The following LRP2 variants were observed in gnomAD, a reference collection of about 807,000 sequenced individuals.
The protein encoded by LRP2 is low-density lipoprotein receptor-related protein 2.
A neutral mutation model predicts 531.0 loss-of-function variants in LRP2; 172 were observed. That is an observed-to-expected ratio of 0.32 (90% CI 0.29 to 0.37). LRP2 has a LOEUF of 0.37. LRP2 is among the 10% of genes least tolerant of loss of function. LRP2 has a pLI of 1.00. For synonymous variants in LRP2, 1,992 were observed against 2,027.6 expected, an observed-to-expected ratio of 0.98 and a Z score of 0.47; for missense variants, 5,167 against 5,868.3, an observed-to-expected ratio of 0.88 and a Z score of 3.90.
intron 16 of LRP2, among the ~76,000 whole-genome samples, chr2:169,261,440 G>C (rs1299201621): frequency 6.6e-6 from 1 of 150,722 alleles, no homozygotes; most frequent in Non-Finnish European, 1.5e-5. Flanking sequence ...ATCCTCCCAA[G>C]TATCTGGCAC....
At chr2:169,246,145 T>C (rs1209825624) in intron 21 of LRP2, among the ~76,000 whole-genome samples, 1 of 152,178 alleles carries the variant, frequency 6.6e-6, no homozygotes, top group African/African-American at 2.4e-5. Context: ...CCCAGCTATT[T>C]GTAATTTTAT....
intron 16 of LRP2, among the ~76,000 whole-genome samples, chr2:169,264,070 G>A (rs956088268): frequency 1.8e-4 from 27 of 152,014 alleles, no homozygotes; most frequent in Non-Finnish European, 3.4e-4. Flanking sequence ...CACAGGAAGG[G>A]GAACATCACA....
chr2:169,292,881 T>C (rs1218302214), intron 6 of LRP2, among the ~76,000 whole-genome samples: 1 of 149,448 alleles, frequency 6.7e-6, no homozygotes, highest in Non-Finnish European at 1.5e-5. Context: ...TGGTTTGCAA[T>C]GCGTTGGCAC....
At chr2:169,275,318 A>G (rs1380866116) in intron 13 of LRP2, 80 bp from the exon 14 acceptor site, 1 of 1,047,190 alleles carries the variant, frequency 9.5e-7, no homozygotes, top group Non-Finnish European at 1.5e-6. Context: ...AGTTCAATTA[A>G]ATGCCTGAAA....
intron 49 of LRP2, 44 bp from the exon 50 acceptor site, chr2:169,186,063 A>C: frequency 6.4e-7 from 1 of 1,554,438 alleles, no homozygotes; most frequent in Non-Finnish European, 8.8e-7. Flanking sequence ...AATATCAACG[A>C]CCAACTCACT....
At chr2:169,257,314 T>A in intron 17 of LRP2, 65 bp from the exon 18 acceptor site, 3 of 1,550,000 alleles carry the variant, frequency 1.9e-6, no homozygotes, top group African/African-American at 1.4e-5. Flanking sequence ...TTCCAGAGAT[T>A]TAGAACAAAC....
intron 51 of LRP2, 119 bp from the exon 52 acceptor site, chr2:169,181,737 TGAATTCTTTTCTG>T: frequency 1.4e-5 from 1 of 69,980 alleles, no homozygotes; most frequent in Non-Finnish European, 2.8e-5. Flanking sequence ...GACTGCATTC[TGAATTCTTTTCTG>T]CATTCAGAAA....
In LRP2 at chr2:169,318,796, G is replaced by A. The variant is rs956158723; in HGVS notation, c.276C>T (p.Asp92=). ...PNSWVCDQDQ[D]CDDGSDERQD... is the part of the protein sequence containing the mutation. ...GACGTTCATCTGAGCCATCATCACA[G>A]TCTTGATCTTGGTCACACACCCAGG... is the stretch of plus-strand genomic sequence containing the variant. The change falls in exon 3 of 79, where the codon GAC becomes GAT. Residue 92 remains aspartate (D), a synonymous_variant. Coordinates refer to ENST00000649046, the MANE Select transcript of LRP2 (RefSeq NM_004525.3). 8 of 1,614,142 alleles carry A rather than the reference G, an allele frequency of 5.0e-6. 1 individual carries two copies. The highest frequency in any genetic ancestry group is 2.2e-5 in the East Asian group (1 of 44,882).
chr2:169,240,743 T>G, intron 25 of LRP2: 1 of 586,392 alleles, frequency 1.7e-6, no homozygotes, highest in South Asian at 2.3e-5. Context: ...TTTAGTCTCA[T>G]TTTTTGAAAC....
chr2:169,206,688 G>A lies in LRP2; in HGVS notation c.7032C>T (p.Asn2344=), dbSNP rs1359322602. 1.9e-6 allele frequency: 3 copies of A among 1,614,068 alleles called. No individual in the cohort carries two copies. Among genetic ancestry groups the A allele is most frequent in the South Asian group, 1.1e-5 (1 of 91,078 alleles). Residue 2344 remains asparagine (N), a synonymous_variant, in exon 39 of 79, where the codon AAC becomes AAT. Transcript: ENST00000649046. ...ACCCACCATTGTTTTCCAAGCAAGG[G>A]TTGTTGTTGACCTCTGCTGGTGACC... ...QPRSPAEVNN[N]PCLENNGGCS...
intron 1 of LRP2, among the ~76,000 whole-genome samples, chr2:169,361,382 CTCTCTCTCTCTCTG>C (rs1686155473): frequency 2.1e-4 from 30 of 141,714 alleles, no homozygotes; most frequent in African/African-American, 5.9e-4. Context: ...CTCTCCCTCT[CTCTCTCTCTCTCTG>C]TCTCTCTCCT....
At chr2:169,199,378 G>A (rs193087200) in intron 44 of LRP2, among the ~76,000 whole-genome samples, 2 of 152,300 alleles carry the variant, frequency 1.3e-5, no homozygotes, top group Admixed American at 6.5e-5. Context: ...CGATATAAGT[G>A]TATGTGTGTG....
chr2:169,326,058 A>C (rs969628550), intron 1 of LRP2, among the ~76,000 whole-genome samples: 4 of 152,070 alleles, frequency 2.6e-5, no homozygotes, highest in Admixed American at 2.6e-4. Flanking sequence ...AAATAAATTC[A>C]TAACTACTAT....
At chr2:169,304,282 T>C (rs1242012628) in intron 4 of LRP2, among the ~76,000 whole-genome samples, 1 of 152,094 alleles carries the variant, frequency 6.6e-6, no homozygotes, top group Non-Finnish European at 1.5e-5. Context: ...TCTCCTTCTG[T>C]AAATAAAGCC....
intron 33 of LRP2, among the ~76,000 whole-genome samples, chr2:169,224,437 GA>G (rs1689127584): frequency 6.6e-6 from 1 of 152,096 alleles, no homozygotes; most frequent in Admixed American, 6.6e-5. Flanking sequence ...TTTCTTCTGG[GA>G]ATTAGAGTAA....
intron 4 of LRP2, among the ~76,000 whole-genome samples, chr2:169,295,044 A>G (rs1010064066): frequency 6.6e-6 from 1 of 152,246 alleles, no homozygotes; most frequent in African/African-American, 2.4e-5. Context: ...AAGATGAAGA[A>G]TGAGAAAGAA....
At chr2:169,269,035 C>G (rs898049186) in intron 16 of LRP2, among the ~76,000 whole-genome samples, 3 of 152,106 alleles carry the variant, frequency 2.0e-5, no homozygotes, top group Admixed American at 6.6e-5. Flanking sequence ...ACCTAGGAAT[C>G]CAACTTACAA....
chr2:169,162,360 A>G (rs1040155306), intron 63 of LRP2, 112 bp downstream of exon 63: 3 of 1,305,278 alleles, frequency 2.3e-6, no homozygotes, highest in African/African-American at 1.4e-5. Context: ...GAATTCAAGC[A>G]AAAAGTACAT....
chr2:169,130,093 A>G (rs1329336325), intron 77 of LRP2, among the ~76,000 whole-genome samples: 2 of 152,232 alleles, frequency 1.3e-5, no homozygotes, highest in Admixed American at 1.3e-4. Flanking sequence ...CATTCAGGTC[A>G]GAGCCCTGCC....
Sources: allele counts gnomAD v4.1 joint callset (sites outside exome capture counted in the v4.1 genomes callset), GRCh38; gene constraint gnomAD v4.1.1; transcripts MANE v1.5; gene names NCBI Gene and HGNC (gene_info 2026-07-23, HGNC 2026-07-21).